The following DNAH12 variants were observed in gnomAD, a reference collection of about 807,000 sequenced individuals.
DNAH12 encodes axonemal beta dynein heavy chain 12.
DNAH12 carries 285 observed loss-of-function variants against 371.5 expected under a neutral mutation model. The observed-to-expected ratio is 0.77, with a 90% CI of 0.70 to 0.85. DNAH12 has a LOEUF of 0.85. Ranked by LOEUF, DNAH12 falls within the 40% of genes least tolerant of loss-of-function variation. DNAH12 has a pLI of 0.00. For synonymous variants in DNAH12, 1,200 were observed against 1,213.0 expected (o/e 0.99, Z 0.22); for missense variants, 3,611 against 3,689.4 (o/e 0.98, Z 0.55).
Position 57,427,980 on chromosome 3 carries a change from G to C in DNAH12, c.5253+653C>G, listed in dbSNP as rs967101030. On this transcript the variant is annotated intron_variant, in intron 34 of 73. Transcript: ENST00000495027. Reference sequence around the variant, plus strand: ...GTCTTGCTCTGTCGCCCAGGCTGGAGTGCAGTGGCGTGATCTCGGCTCACT... The same window carrying C: ...GTCTTGCTCTGTCGCCCAGGCTGGACTGCAGTGGCGTGATCTCGGCTCACT... 6.6e-5 allele frequency among the ~76,000 whole-genome samples: 10 copies of C among 151,906 alleles called. No individual in the cohort carries two copies. In the East Asian group the frequency reaches 1.9e-3, roughly 29 times the overall value.
intron 42 of DNAH12, among the ~76,000 whole-genome samples, chr3:57,404,663 C>T (rs1300678298): frequency 2.0e-5 from 3 of 151,868 alleles, no homozygotes; most frequent in African/African-American, 7.3e-5. Flanking sequence ...GAGGTTGCAG[C>T]GAGCTGAGAT....
chr3:57,465,950 G>T (rs1418490007), intron 17 of DNAH12, among the ~76,000 whole-genome samples: 1 of 152,032 alleles, frequency 6.6e-6, no homozygotes, highest in African/African-American at 2.4e-5. Flanking sequence ...TTGTTATGAA[G>T]GTTGATGAGA....
intron 13 of DNAH12, among the ~76,000 whole-genome samples, chr3:57,478,087 G>A (rs899767116): frequency 3.1e-4 from 47 of 152,308 alleles, no homozygotes; most frequent in Non-Finnish European, 4.4e-4. Context: ...TGACTTTGAC[G>A]AGTTGAGAGA....
At chr3:57,314,772 T>C in intron 65 of DNAH12, 141 bp from the exon 66 acceptor site, 1 of 848,572 alleles carries the variant, frequency 1.2e-6, no homozygotes, top group Non-Finnish European at 1.7e-6. Flanking sequence ...AAAAATCCTA[T>C]CTAAAATAAT....
rs552273044 is a variant in DNAH12 at position 57,405,166 on chromosome 3, C to G, written c.6577-19G>C. 38 of 1,484,102 alleles carry G rather than the reference C, an allele frequency of 2.6e-5. No individual in the cohort carries two copies. The highest frequency in any genetic ancestry group is 3.2e-5 in the Non-Finnish European group (36 of 1,124,934). 91.9% of individuals were successfully genotyped at this position (1,484,102 alleles called of 1,614,324 possible). A position where few individuals can be genotyped will look rare whatever the true frequency, so the allele number is the denominator to read the frequency against. On this transcript the variant is annotated intron_variant, in intron 41 of 73. Transcript: ENST00000495027. ...CAGTTACCTATAGAAAGGAAATCAA[C>G]AAATTTTAAAACTTAAAACATTTAA...
At chr3:57,329,517 A>T (rs1386201029) in intron 62 of DNAH12, among the ~76,000 whole-genome samples, 6 of 135,170 alleles carry the variant, frequency 4.4e-5, no homozygotes, top group Non-Finnish European at 7.8e-5. Flanking sequence ...ATATGTAGAA[A>T]GCTGAAACTG....
chr3:57,458,099 C>A lies in DNAH12; in HGVS notation c.3053G>T (p.Arg1018Leu). 6.5e-7 allele frequency: 1 copy of A among 1,543,744 alleles called. No individual in the cohort carries two copies. Among genetic ancestry groups the A allele is most frequent in the Non-Finnish European group, 8.7e-7 (1 of 1,144,958 alleles). ...CAGCACAATTGATTATTTATCATACCGAGGGAAGAAAAGACGTTTCTTTTC... is the reference window on the plus strand; with the variant it reads ...CAGCACAATTGATTATTTATCATACAGAGGGAAGAAAAGACGTTTCTTTTC... The part of the protein sequence containing the change: ...YLEKKRLFFP[R>L]FFFLSNDEML... The change falls in exon 21 of 74, where the codon CGT (arginine) becomes CTT (leucine). Residue 1018 changes from arginine (R) to leucine (L), a missense_variant and splice_region_variant. Arg to Leu is a moderately radical substitution (Grantham distance 102, BLOSUM62 -2). Around this residue, in one of 3 missense-constraint regions of DNAH12, gnomAD observed 1,314 missense variants for 1,398.7 expected, o/e 0.94. Transcript: ENST00000495027.
intron 30 of DNAH12, among the ~76,000 whole-genome samples, chr3:57,434,661 G>T (rs1464421861): frequency 6.6e-6 from 1 of 152,060 alleles, no homozygotes; most frequent in African/African-American, 2.4e-5. Flanking sequence ...AAATTAACTG[G>T]TATCAGAAGC....
intron 39 of DNAH12, among the ~76,000 whole-genome samples, chr3:57,412,357 G>A (rs145997903): frequency 6.6e-6 from 1 of 152,252 alleles, no homozygotes; most frequent in East Asian, 1.9e-4. Context: ...AAACTCCTAG[G>A]AGATAGCAAA....
At chr3:57,355,017 C>T (rs2062765480) in intron 59 of DNAH12, among the ~76,000 whole-genome samples, 1 of 152,084 alleles carries the variant, frequency 6.6e-6, no homozygotes, top group Non-Finnish European at 1.5e-5. Flanking sequence ...AAGGGGAACA[C>T]AGAGATCCTT....
chr3:57,523,942 A>G lies in DNAH12; in HGVS notation c.171-58T>C. On this transcript the variant is annotated intron_variant, in intron 2 of 73. Transcript: ENST00000495027. Reference sequence around the variant, plus strand: ...GATAACATTAGCATAAGTTACTAAAACATTACAATTTAAGCATTTTTCCAA... The same window carrying G: ...GATAACATTAGCATAAGTTACTAAAGCATTACAATTTAAGCATTTTTCCAA... 13 of 1,264,632 alleles carry G rather than the reference A, an allele frequency of 1.0e-5. 1 individual carries two copies. The South Asian group carries it at 1.9e-4, about 18-fold the overall frequency. The allele number at this position is 1,264,632 out of a possible 1,614,324, so 78.3% of individuals were successfully genotyped here. A position where few individuals can be genotyped will look rare whatever the true frequency, so the allele number is the denominator to read the frequency against.
intron 59 of DNAH12, among the ~76,000 whole-genome samples, chr3:57,354,901 A>T (rs2062762746): frequency 6.6e-6 from 1 of 152,230 alleles, no homozygotes; most frequent in African/African-American, 2.4e-5. Context: ...GATTCTATTT[A>T]TATAAAATTT....
In DNAH12 at chr3:57,433,174, CAAA is replaced by C. The variant is rs11395980; in HGVS notation, c.4980+190_4980+192del. ...TTTAATACAATATACTTTCATTCTA[CAAA>C]AAAAAAAAAAAATTAACCCAAGGAC... On this transcript the variant is annotated intron_variant, in intron 32 of 73. Coordinates refer to ENST00000495027, the MANE Select transcript of DNAH12 (RefSeq NM_001366028.2). Among the ~76,000 whole-genome samples the C allele has an allele frequency of 3.6e-4, 52 of 142,510 alleles. No homozygotes were observed. In the South Asian group the frequency reaches 0.01, roughly 28 times the overall value. 93.5% of individuals were successfully genotyped at this position (142,510 alleles called of 152,430 possible).
chr3:57,430,289 A>T (rs2153365456), intron 32 of DNAH12, among the ~76,000 whole-genome samples: 1 of 152,312 alleles, frequency 6.6e-6, no homozygotes, highest in East Asian at 1.9e-4. Context: ...GGCATTTCAC[A>T]TTCAAATGCC....
intron 49 of DNAH12, among the ~76,000 whole-genome samples, chr3:57,383,422 G>T (rs2153343934): frequency 6.6e-6 from 1 of 152,220 alleles, no homozygotes; most frequent in Non-Finnish European, 1.5e-5. Context: ...TCAGGGGATG[G>T]AGTGCTGCAG....
At chr3:57,294,435 A>T (rs562045303) in intron 73 of DNAH12, among the ~76,000 whole-genome samples, 6 of 152,246 alleles carry the variant, frequency 3.9e-5, no homozygotes, top group Middle Eastern at 3.4e-3. Flanking sequence ...TCAGCCTCCC[A>T]AAGTGCTGGG....
chr3:57,473,499 G>T (rs1392163646), intron 13 of DNAH12, among the ~76,000 whole-genome samples: 1 of 151,288 alleles, frequency 6.6e-6, no homozygotes, highest in African/African-American at 2.4e-5. Flanking sequence ...AAAAAAAAAA[G>T]TTGGAGGTGA....
At chr3:57,471,904 C>T (rs908451793) in intron 14 of DNAH12, among the ~76,000 whole-genome samples, 1 of 152,054 alleles carries the variant, frequency 6.6e-6, no homozygotes, top group African/African-American at 2.4e-5. Flanking sequence ...GTATCAAGAA[C>T]TATTAAATAT....
At chr3:57,403,685 T>C (rs1553679954) in intron 42 of DNAH12, among the ~76,000 whole-genome samples, 184 bp from the exon 43 acceptor site, 1 of 152,174 alleles carries the variant, frequency 6.6e-6, no homozygotes, top group Non-Finnish European at 1.5e-5. Context: ...ACTGGATCAT[T>C]TGATGTAGGG....
Sources: gnomAD v4.1 joint callset for allele counts (sites outside exome capture counted in the v4.1 genomes callset) on GRCh38, gnomAD v4.1.1 for gene constraint, gnomAD v4.1.1 regional missense constraint, MANE v1.5 for transcripts, NCBI Gene and HGNC (gene_info 2026-07-23, HGNC 2026-07-21) for gene names.